The following TSPEAR variants were observed in gnomAD, a reference collection of about 807,000 sequenced individuals.
TSPEAR encodes thrombospondin type laminin G domain and EAR repeats, also known as thrombospondin-type laminin G domain and EAR repeat-containing protein.
Under a neutral mutation model 71.6 loss-of-function variants are expected in TSPEAR, and 69 were observed. The observed-to-expected ratio is 0.96, with a 90% CI of 0.79 to 1.18. The LOEUF is 1.18. Ranked by LOEUF, TSPEAR falls within the 50% of genes most tolerant of loss-of-function variation. The pLI, the probability that TSPEAR is intolerant of heterozygous loss-of-function variation, is 0.00. For synonymous variants in TSPEAR, 402 were observed against 387.2 expected (o/e 1.04, Z -0.45); for missense variants, 971 against 894.9 (o/e 1.09, Z -1.09).
chr21:44,612,102 T>C lies in TSPEAR; in HGVS notation c.83-44097A>G, dbSNP rs1981716318. ...ACACCACCCAGTCCAGCACCCACCA[T>C]GGCTGACGCCTGCTGCACCAGGACG... is the stretch of plus-strand genomic sequence containing the variant. On this transcript the variant is annotated intron_variant, in intron 1 of 11. Transcript: ENST00000323084. The surrounding 1 kb of genome is among the most constrained non-coding windows in gnomAD (Gnocchi z 4.1). 6.2e-7 allele frequency: 1 copy of C among 1,612,882 alleles called. No homozygotes were observed. The highest frequency in any genetic ancestry group is 8.5e-7 in the Non-Finnish European group (1 of 1,179,368).
chr21:44,504,221 CGGCCTCGGTGAGCCCTCGGGGGGTAGCT>C (rs1158107008), intron 11 of TSPEAR, among the ~76,000 whole-genome samples: 14 of 108,282 alleles, frequency 1.3e-4, no homozygotes, highest in African/African-American at 3.5e-4. Flanking sequence ...GGGAGGAAGC[CGGCCTCGGTGAGCCCTCGGGGGGTAGCT>C]GGCCTCGGTG....
chr21:44,585,402 A>T (rs1270914977), intron 1 of TSPEAR, among the ~76,000 whole-genome samples: 1 of 152,142 alleles, frequency 6.6e-6, no homozygotes, highest in East Asian at 1.9e-4. Flanking sequence ...AGCTGTGTTC[A>T]TCCCCTCGGT....
chr21:44,512,508 G>A (rs587606100), intron 9 of TSPEAR, among the ~76,000 whole-genome samples: 16 of 152,298 alleles, frequency 1.1e-4, no homozygotes, highest in Admixed American at 5.9e-4. Flanking sequence ...GGTGGCACAC[G>A]GGCTGCTGTG....
At chr21:44,555,882 T>C (rs2053519887) in intron 2 of TSPEAR, among the ~76,000 whole-genome samples, 1 of 152,210 alleles carries the variant, frequency 6.6e-6, no homozygotes, top group Non-Finnish European at 1.5e-5. Context: ...CCTTCTGTCC[T>C]GGAAGCCTGT....
In TSPEAR at chr21:44,591,525, G is replaced by A. The variant is rs374116165; in HGVS notation, c.83-23520C>T. 1.9e-6 allele frequency: 3 copies of A among 1,612,600 alleles called. No homozygotes were observed. In the East Asian group the frequency reaches 6.8e-5, roughly 37 times the overall value. ...AGGAGGCAGAGGCACCACAGGAGGG[G>A]ACGGGCACGCAGCAGGTGGACTTGC... On this transcript the variant is annotated intron_variant, in intron 1 of 11. Coordinates refer to ENST00000323084, the MANE Select transcript of TSPEAR (RefSeq NM_144991.3).
chr21:44,508,879 G>C (rs782719468), intron 10 of TSPEAR: 16 of 1,442,788 alleles, frequency 1.1e-5, no homozygotes, highest in South Asian at 9.1e-5. Context: ...CTATCCCTCC[G>C]CACGACGGGC....
At chr21:44,552,908 C>T (rs2053467047) in intron 2 of TSPEAR, among the ~76,000 whole-genome samples, 1 of 152,224 alleles carries the variant, frequency 6.6e-6, no homozygotes, top group Non-Finnish European at 1.5e-5. Flanking sequence ...CGACAAGAGC[C>T]TCTCATCTGA....
intron 1 of TSPEAR, among the ~76,000 whole-genome samples, chr21:44,672,311 C>T (rs1986092806): frequency 6.6e-6 from 1 of 152,254 alleles, no homozygotes; most frequent in African/African-American, 2.4e-5. Context: ...TGGCTCACGC[C>T]TGTAATCCCA....
intron 1 of TSPEAR, among the ~76,000 whole-genome samples, chr21:44,663,072 C>T (rs1985580540): frequency 6.7e-6 from 1 of 148,330 alleles, no homozygotes; most frequent in Non-Finnish European, 1.5e-5. Context: ...GAAAATTAAA[C>T]TCAAAATTAG....
intron 2 of TSPEAR, among the ~76,000 whole-genome samples, chr21:44,556,929 T>C (rs910319330): frequency 1.3e-5 from 2 of 152,156 alleles, no homozygotes; most frequent in Non-Finnish European, 2.9e-5. Flanking sequence ...TTGGAGGTTT[T>C]CAGATAAGTA....
At chr21:44,649,158 G>A (rs1984621184) in intron 1 of TSPEAR, among the ~76,000 whole-genome samples, 1 of 152,214 alleles carries the variant, frequency 6.6e-6, no homozygotes, top group African/African-American at 2.4e-5. Context: ...GGGGGAGGGT[G>A]TCTGTAAGGC....
At chr21:44,706,722 G>A (rs1987945020) in intron 1 of TSPEAR, among the ~76,000 whole-genome samples, 1 of 152,204 alleles carries the variant, frequency 6.6e-6, no homozygotes, top group Non-Finnish European at 1.5e-5. Flanking sequence ...CGGGGGCAGG[G>A]AGGGGCTCCC....
chr21:44,579,123 G>A (rs116282508), intron 1 of TSPEAR, among the ~76,000 whole-genome samples: 7,969 of 152,240 alleles, frequency 0.052, 292 homozygotes, highest in Middle Eastern at 0.088. Context: ...TGCGGTGCCC[G>A]GACCCCAGGC....
chr21:44,702,159 GGA>G lies in TSPEAR; in HGVS notation c.82+9272_82+9273del, dbSNP rs556679554. The G allele has an allele frequency of 5.7e-4, 785 of 1,384,850 alleles. 9 individuals carry two copies. In the African/African-American group the frequency reaches 0.01, roughly 18 times the overall value. The allele number at this position is 1,384,850 out of a possible 1,614,324, so 85.8% of individuals were successfully genotyped here. A position where few individuals can be genotyped will look rare whatever the true frequency, so the allele number is the denominator to read the frequency against. ...GCACAGGGGTGGAGACTGAAGCGAT[GGA>G]GCAGAGACCACCATCCACCCCACAG... On this transcript the variant is annotated intron_variant, in intron 1 of 11. Transcript: ENST00000323084.
At chr21:44,706,579 C>G (rs529909078) in intron 1 of TSPEAR, among the ~76,000 whole-genome samples, 1 of 152,324 alleles carries the variant, frequency 6.6e-6, no homozygotes, top group African/African-American at 2.4e-5. Context: ...AAACGCTTCC[C>G]ACGCAGTCGT....
chr21:44,628,453 G>C (rs1983040505), intron 1 of TSPEAR, among the ~76,000 whole-genome samples: 3 of 151,866 alleles, frequency 2.0e-5, no homozygotes, highest in Non-Finnish European at 4.4e-5. Context: ...CTGGGGGGCT[G>C]GGCCCCGTGG....
At chr21:44,524,754 A>AAGGTAGTCAGTCAGGTAAT (rs2052813597) in intron 8 of TSPEAR, among the ~76,000 whole-genome samples, 1 of 150,292 alleles carries the variant, frequency 6.7e-6, no homozygotes, top group African/African-American at 2.5e-5. Flanking sequence ...ATCAGTCAGT[A>AAGGTAGTCAGTCAGGTAAT]AGGTAGTCAG....
At chr21:44,625,317 G>A (rs1391057376) in intron 1 of TSPEAR, among the ~76,000 whole-genome samples, 16 of 152,286 alleles carry the variant, frequency 1.1e-4, no homozygotes, top group South Asian at 1.0e-3. Context: ...GATGGGCCAC[G>A]CACGGTGGCT....
In TSPEAR at chr21:44,506,972, C is replaced by T. The variant is rs587733969; in HGVS notation, c.1755-2091G>A. On this transcript the variant is annotated intron_variant, in intron 10 of 11. Coordinates refer to ENST00000323084, the MANE Select transcript of TSPEAR (RefSeq NM_144991.3). The surrounding 1 kb of genome is among the most constrained non-coding windows in gnomAD (Gnocchi z 4.2). ...AGATGTTATTCTTCAGAATCACGCC[C>T]TCTGGCAAATGCCCATCATCGGACA... 4.6e-5 allele frequency: 7 copies of T among 152,372 alleles called. No individual in the cohort carries two copies. The South Asian group carries it at 8.3e-4, about 18-fold the overall frequency. 9.4% of individuals were successfully genotyped at this position (152,372 alleles called of 1,614,324 possible).
Sources: gnomAD v4.1 joint callset for allele counts (sites outside exome capture counted in the v4.1 genomes callset) on GRCh38, gnomAD v4.1.1 for gene constraint, Gnocchi (gnomAD v3.1) non-coding constraint, MANE v1.5 for transcripts, NCBI Gene and HGNC (gene_info 2026-07-23, HGNC 2026-07-21) for gene names.